The following RIMS1 variants were observed in gnomAD, a reference collection of about 807,000 sequenced individuals.
RIMS1 encodes regulating synaptic membrane exocytosis protein 1.
A neutral mutation model predicts 214.1 loss-of-function variants in RIMS1; 83 were observed. The observed-to-expected ratio is 0.39, with a 90% CI of 0.32 to 0.47. RIMS1 has a LOEUF of 0.47. RIMS1 is among the 20% of genes least tolerant of loss of function. The pLI, the probability that RIMS1 is intolerant of heterozygous loss-of-function variation, is 0.99. For missense variants in RIMS1, 2,050 were observed against 2,161.8 expected (o/e 0.95, Z 1.03); for synonymous variants, 793 against 786.8 (o/e 1.01, Z -0.13).
intron 2 of RIMS1, among the ~76,000 whole-genome samples, chr6:72,005,945 C>A (rs1032080259): frequency 6.6e-6 from 1 of 152,108 alleles, no homozygotes; most frequent in East Asian, 1.9e-4. Context: ...TGGCAAATTA[C>A]GATAGAGTGG....
chr6:72,180,099 G>C (rs942704368), intron 5 of RIMS1, among the ~76,000 whole-genome samples, 184 bp downstream of exon 5: 1 of 152,204 alleles, frequency 6.6e-6, no homozygotes, highest in African/African-American at 2.4e-5. Context: ...GGAGACCTTT[G>C]TTGAAAGCAT....
Position 72,228,854 on chromosome 6 carries a change from A to G in RIMS1, c.1679-4919A>G, listed in dbSNP as rs185511010. Among the ~76,000 whole-genome samples, 130 of 152,060 alleles carry G rather than the reference A, an allele frequency of 8.5e-4. 1 individual carries two copies. The highest frequency in any genetic ancestry group is 4.4e-5 in the Non-Finnish European group (3 of 67,864). ...TAAATTTTTATAATAGGCCATCCTA[A>G]CAGGTATGAGGTGCTTTCTCATTGT... On this transcript the variant is annotated intron_variant, in intron 6 of 33. Coordinates refer to ENST00000521978, the MANE Select transcript of RIMS1 (RefSeq NM_014989.7).
At chr6:72,316,756 C>T in intron 28 of RIMS1, 1 of 677,388 alleles carries the variant, frequency 1.5e-6, no homozygotes, top group Non-Finnish European at 2.8e-6. Flanking sequence ...TCAGAGGCCA[C>T]TCCCTAGTAG....
At chr6:71,950,985 AG>A (rs1789312460) in intron 1 of RIMS1, among the ~76,000 whole-genome samples, 2 of 152,208 alleles carry the variant, frequency 1.3e-5, no homozygotes, top group Non-Finnish European at 2.9e-5. Context: ...TTAGATGAGA[AG>A]ACATATACTG....
At chr6:71,983,223 T>G (rs1798939961) in intron 2 of RIMS1, among the ~76,000 whole-genome samples, 2 of 152,136 alleles carry the variant, frequency 1.3e-5, no homozygotes, top group African/African-American at 4.8e-5. Context: ...GCTGTAAGTT[T>G]ATGAGCTCTA....
intron 9 of RIMS1, among the ~76,000 whole-genome samples, chr6:72,240,652 T>A (rs1347344648): frequency 9.5e-6 from 1 of 104,738 alleles, no homozygotes; most frequent in Admixed American, 1.1e-4. Context: ...TTTTTTTTTT[T>A]ACAGTGAAGT....
chr6:71,929,738 G>C (rs1255526921), intron 1 of RIMS1, among the ~76,000 whole-genome samples: 1 of 152,024 alleles, frequency 6.6e-6, no homozygotes, highest in Non-Finnish European at 1.5e-5. Flanking sequence ...TAAAAGTTCA[G>C]TTGAGGCCGC....
At chr6:72,376,144 C>T (rs2098371304) in intron 29 of RIMS1, among the ~76,000 whole-genome samples, 1 of 152,158 alleles carries the variant, frequency 6.6e-6, no homozygotes, top group South Asian at 2.1e-4. Flanking sequence ...AATGCTTTCA[C>T]ATTCTATTAA....
At chr6:72,274,308 A>G (rs778915220) in intron 22 of RIMS1, 41 bp from the exon 23 acceptor site, 1 of 1,409,210 alleles carries the variant, frequency 7.1e-7, no homozygotes, top group Non-Finnish European at 1.0e-6. Context: ...AGGAGTTACT[A>G]AATGTCCTGT....
chr6:72,000,826 A>T (rs1804946541), intron 2 of RIMS1, among the ~76,000 whole-genome samples: 1 of 152,138 alleles, frequency 6.6e-6, no homozygotes, highest in South Asian at 2.1e-4. Flanking sequence ...TTACTTTTAC[A>T]GCTATTAACC....
At chr6:71,984,780 T>TGTA (rs1562029383) in intron 2 of RIMS1, among the ~76,000 whole-genome samples, 3,973 of 58,924 alleles carry the variant, frequency 0.067, 76 homozygotes, top group Non-Finnish European at 0.11. Flanking sequence ...TACATATCTA[T>TGTA]CTATCTATCT....
intron 2 of RIMS1, among the ~76,000 whole-genome samples, chr6:72,013,549 G>T (rs548436186): frequency 1.3e-5 from 2 of 152,252 alleles, no homozygotes; most frequent in African/African-American, 2.4e-5. Flanking sequence ...TGAAAATGTG[G>T]ACTAAGTGTC....
chr6:71,993,888 T>C (rs1010324177), intron 2 of RIMS1, among the ~76,000 whole-genome samples: 1 of 152,208 alleles, frequency 6.6e-6, no homozygotes, highest in African/African-American at 2.4e-5. Context: ...TTTTTATTTC[T>C]ATTAAATGGT....
At chr6:72,002,533 C>G (rs1488999108) in intron 2 of RIMS1, among the ~76,000 whole-genome samples, 1 of 152,014 alleles carries the variant, frequency 6.6e-6, no homozygotes, top group Non-Finnish European at 1.5e-5. Flanking sequence ...CAGACGCTGC[C>G]ACAGTGCTCC....
intron 28 of RIMS1, among the ~76,000 whole-genome samples, chr6:72,327,892 G>A (rs2096533631): frequency 6.6e-6 from 1 of 151,714 alleles, no homozygotes; most frequent in Non-Finnish European, 1.5e-5. Flanking sequence ...TTTCTTCTCT[G>A]GGATTCTTTA....
chr6:72,341,174 GA>G (rs747795997), intron 29 of RIMS1, among the ~76,000 whole-genome samples: 5 of 152,062 alleles, frequency 3.3e-5, no homozygotes, highest in African/African-American at 7.2e-5. Context: ...AGCTTAAGGA[GA>G]TTTTGGGCTG....
chr6:72,099,752 A>T (rs2033061564), intron 3 of RIMS1, among the ~76,000 whole-genome samples: 2 of 152,174 alleles, frequency 1.3e-5, no homozygotes, highest in South Asian at 4.1e-4. Flanking sequence ...CTTGTATCTA[A>T]CATATAGCAG....
At chr6:72,231,255 G>A (rs922829681) in intron 6 of RIMS1, among the ~76,000 whole-genome samples, 1 of 151,558 alleles carries the variant, frequency 6.6e-6, no homozygotes, top group African/African-American at 2.4e-5. Context: ...AGAAACAAAG[G>A]TAGTTTACAA....
intron 2 of RIMS1, among the ~76,000 whole-genome samples, chr6:72,043,820 A>G (rs1007792222): frequency 6.6e-6 from 1 of 151,738 alleles, no homozygotes; most frequent in South Asian, 2.1e-4. Context: ...ATAAAATTTC[A>G]AAGTGTTTAT....
Sources: allele counts gnomAD v4.1 joint callset (sites outside exome capture counted in the v4.1 genomes callset), GRCh38; gene constraint gnomAD v4.1.1; transcripts MANE v1.5; gene names NCBI Gene and HGNC (gene_info 2026-07-23, HGNC 2026-07-21).